PTPRG: variants seen among roughly 807,000 people sequenced by gnomAD.
The protein encoded by PTPRG is receptor-type tyrosine-protein phosphatase gamma.
A neutral mutation model predicts 165.3 loss-of-function variants in PTPRG; 102 were observed. The observed-to-expected ratio is 0.62, with a 90% CI of 0.53 to 0.73. PTPRG has a LOEUF of 0.73. PTPRG is among the 30% of genes least tolerant of loss of function. The probability of loss-of-function intolerance (pLI) is 0.00; values close to 1 mark genes in which losing one functional copy is unlikely to be tolerated. For missense variants in PTPRG, 1,866 were observed against 1,861.4 expected (o/e 1.00, Z -0.05); for synonymous variants, 675 against 669.5 (o/e 1.01, Z -0.13).
chr3:62,016,851 C>T (rs568213086), intron 4 of PTPRG, among the ~76,000 whole-genome samples: 1 of 152,202 alleles, frequency 6.6e-6, no homozygotes, highest in Non-Finnish European at 1.5e-5. Context: ...CTTTGTTCTT[C>T]TCCCTGATTA....
At chr3:61,759,630 C>T (rs182849038) in intron 2 of PTPRG, among the ~76,000 whole-genome samples, 1 of 152,004 alleles carries the variant, frequency 6.6e-6, no homozygotes, top group South Asian at 2.1e-4. Context: ...TCCCAGCCTG[C>T]GTGGCAGAGT....
At chr3:61,899,339 T>G (rs2038440526) in intron 2 of PTPRG, among the ~76,000 whole-genome samples, 2 of 152,190 alleles carry the variant, frequency 1.3e-5, no homozygotes, top group African/African-American at 4.8e-5. Context: ...GGTTTTGGAA[T>G]GATTGCTGAG....
intron 10 of PTPRG, among the ~76,000 whole-genome samples, chr3:62,198,223 C>T (rs1291807864): frequency 6.6e-6 from 1 of 152,156 alleles, no homozygotes; most frequent in Non-Finnish European, 1.5e-5. Flanking sequence ...AGCATTGTTA[C>T]ATAAGTTATT....
At chr3:62,040,259 A>G (rs1027011536) in intron 4 of PTPRG, among the ~76,000 whole-genome samples, 3 of 152,212 alleles carry the variant, frequency 2.0e-5, no homozygotes, top group Non-Finnish European at 2.9e-5. Flanking sequence ...TTTCTGCCCA[A>G]ATATCAGTTT....
rs1485165859 is a variant in PTPRG, at chr3:61,694,013, A to AG, written c.86-54865_86-54864insG. On this transcript the variant is annotated intron_variant, in intron 1 of 29. Coordinates refer to ENST00000474889, the MANE Select transcript of PTPRG (RefSeq NM_002841.4). ...ACACAGTGAGACTCCATCTCCAAAA[A>AG]AAAAAAAAAAAAAGAGAGAGAGAGA... 9.5e-4 allele frequency among the ~76,000 whole-genome samples: 140 copies of AG among 147,814 alleles called. 1 individual carries two copies. The highest frequency in any genetic ancestry group is 3.4e-3 in the African/African-American group (135 of 39,806).
At chr3:61,700,911 G>A (rs1175721828) in intron 1 of PTPRG, among the ~76,000 whole-genome samples, 1 of 152,116 alleles carries the variant, frequency 6.6e-6, no homozygotes, top group African/African-American at 2.4e-5. Context: ...GTGCATCCCT[G>A]TCATTAAAGC....
chr3:62,062,994 T>C (rs138460898), intron 4 of PTPRG, among the ~76,000 whole-genome samples: 1 of 152,368 alleles, frequency 6.6e-6, no homozygotes, highest in Non-Finnish European at 1.5e-5. Flanking sequence ...TGTTAAATAC[T>C]AACCCCAAAC....
chr3:62,135,013 C>G (rs2106933736), intron 6 of PTPRG, among the ~76,000 whole-genome samples: 1 of 152,160 alleles, frequency 6.6e-6, no homozygotes, highest in East Asian at 1.9e-4. Context: ...TGGCTCATGC[C>G]TATAATCCCA....
At chr3:61,880,332 G>T (rs113247911) in intron 2 of PTPRG, among the ~76,000 whole-genome samples, 1 of 152,168 alleles carries the variant, frequency 6.6e-6, no homozygotes, top group Non-Finnish European at 1.5e-5. Context: ...CGGACCGGCC[G>T]TGCACAATGG....
chr3:62,196,901 G>GCAGC (rs1257625416), intron 10 of PTPRG, among the ~76,000 whole-genome samples: 1 of 151,972 alleles, frequency 6.6e-6, no homozygotes, highest in Non-Finnish European at 1.5e-5. Context: ...AGCAGCAGCA[G>GCAGC]CAGCAACTGC....
At chr3:61,898,390 C>T (rs142941015) in intron 2 of PTPRG, among the ~76,000 whole-genome samples, 3 of 152,238 alleles carry the variant, frequency 2.0e-5, no homozygotes, top group East Asian at 1.9e-4. Flanking sequence ...AGAGGTGCTC[C>T]GGCCTCATTG....
chr3:61,574,981 T>C (rs1700143192), intron 1 of PTPRG, among the ~76,000 whole-genome samples: 1 of 152,216 alleles, frequency 6.6e-6, no homozygotes, highest in Non-Finnish European at 1.5e-5. Flanking sequence ...CCCACCCTCA[T>C]GACTCAGACA....
intron 2 of PTPRG, among the ~76,000 whole-genome samples, chr3:61,951,511 A>G (rs2039898365): frequency 6.6e-6 from 1 of 152,150 alleles, no homozygotes; most frequent in African/African-American, 2.4e-5. Context: ...TGGTTCTAAG[A>G]ATTCTTTACA....
At chr3:61,829,501 A>C (rs2036211152) in intron 2 of PTPRG, among the ~76,000 whole-genome samples, 1 of 152,248 alleles carries the variant, frequency 6.6e-6, no homozygotes, top group African/African-American at 2.4e-5. Context: ...ACTTGGGCTT[A>C]AAGGATCAGG....
intron 2 of PTPRG, among the ~76,000 whole-genome samples, chr3:61,793,969 C>T (rs1041704183): frequency 2.6e-5 from 4 of 152,138 alleles, no homozygotes; most frequent in Non-Finnish European, 5.9e-5. Context: ...CCACCAAACA[C>T]CTTGTTGGAG....
intron 1 of PTPRG, among the ~76,000 whole-genome samples, chr3:61,720,608 T>G (rs1162488722): frequency 6.6e-6 from 1 of 152,206 alleles, no homozygotes; most frequent in African/African-American, 2.4e-5. Context: ...CAAGGGCTAC[T>G]ACCGTCCTGA....
intron 2 of PTPRG, among the ~76,000 whole-genome samples, chr3:61,980,601 G>A (rs532678913): frequency 1.3e-5 from 2 of 152,076 alleles, no homozygotes; most frequent in Admixed American, 6.5e-5. Context: ...TGAAAACATC[G>A]AATAATTTAA....
At chr3:62,292,928 T>G (rs1313513589) in intron 29 of PTPRG, among the ~76,000 whole-genome samples, 1 of 152,160 alleles carries the variant, frequency 6.6e-6, no homozygotes, top group Non-Finnish European at 1.5e-5. Flanking sequence ...TCATTAACAA[T>G]CAGCACTGAG....
intron 1 of PTPRG, among the ~76,000 whole-genome samples, chr3:61,657,921 C>T (rs1005346191): frequency 2.0e-5 from 3 of 152,128 alleles, no homozygotes; most frequent in African/African-American, 4.8e-5. Context: ...TGCTAAGCAG[C>T]TGTGGCAGTG....
Sources: gnomAD v4.1 joint callset for allele counts (sites outside exome capture counted in the v4.1 genomes callset) on GRCh38, gnomAD v4.1.1 for gene constraint, MANE v1.5 for transcripts, NCBI Gene and HGNC (gene_info 2026-07-23, HGNC 2026-07-21) for gene names.